ITPKB: variants seen among roughly 807,000 people sequenced by gnomAD.
The protein encoded by ITPKB is IP3 3-kinase B.
In ITPKB, 13 loss-of-function variants were observed where a neutral mutation model predicts 69.4. The observed-to-expected ratio is 0.19, with a 90% CI of 0.12 to 0.30. The LOEUF (loss-of-function observed/expected upper bound fraction) is 0.30, where lower values mean the gene tolerates loss of function less well. Ranked by LOEUF, ITPKB falls within the 10% of genes least tolerant of loss-of-function variation. The pLI is 1.00. For synonymous variants in ITPKB, 584 were observed against 513.7 expected, an observed-to-expected ratio of 1.14 and a Z score of -1.85; for missense variants, 1,240 against 1,250.5, an observed-to-expected ratio of 0.99 and a Z score of 0.13.
chr1:226,711,058 T>C (rs939291171), intron 2 of ITPKB, among the ~76,000 whole-genome samples: 5 of 152,242 alleles, frequency 3.3e-5, no homozygotes, highest in African/African-American at 1.2e-4. Context: ...TAATAGTGCT[T>C]ATTAAGAGAC....
At chr1:226,715,834 G>C (rs708767) in intron 2 of ITPKB, among the ~76,000 whole-genome samples, 64,885 of 152,104 alleles carry the variant, frequency 0.43, 14,040 homozygotes, top group Middle Eastern at 0.48. Flanking sequence ...TTTTTGAGAT[G>C]AAGTCTCGCT....
chr1:226,643,881 G>A (rs1454452573), intron 4 of ITPKB, among the ~76,000 whole-genome samples: 1 of 152,226 alleles, frequency 6.6e-6, no homozygotes, highest in African/African-American at 2.4e-5. Flanking sequence ...ACACACAGGT[G>A]CACCCATGCA....
At chr1:226,690,641 AT>A (rs1656327478) in intron 2 of ITPKB, among the ~76,000 whole-genome samples, 1 of 152,210 alleles carries the variant, frequency 6.6e-6, no homozygotes, top group Non-Finnish European at 1.5e-5. Flanking sequence ...TAACCCTAGT[AT>A]TTACGTCAAC....
chr1:226,733,582 A>ACACACACCC (rs569802289), intron 2 of ITPKB, among the ~76,000 whole-genome samples: 5,292 of 152,014 alleles, frequency 0.035, 129 homozygotes, highest in Non-Finnish European at 0.052. Context: ...ACACACACAC[A>ACACACACCC]CACACACCCA....
intron 2 of ITPKB, among the ~76,000 whole-genome samples, chr1:226,693,674 C>G (rs144734407): frequency 5.7e-4 from 86 of 152,078 alleles, no homozygotes; most frequent in African/African-American, 1.9e-3. Context: ...TAAATTGATC[C>G]CCATTTGAAG....
intron 2 of ITPKB, among the ~76,000 whole-genome samples, chr1:226,672,908 A>G (rs1669646385): frequency 6.6e-6 from 1 of 152,228 alleles, no homozygotes; most frequent in Non-Finnish European, 1.5e-5. Context: ...TCCCAGGTGG[A>G]GAACCTGCAT....
chr1:226,735,000 G>A (rs1489142181), intron 2 of ITPKB, among the ~76,000 whole-genome samples: 2 of 152,160 alleles, frequency 1.3e-5, no homozygotes, highest in African/African-American at 4.8e-5. Context: ...CCAGTTGACT[G>A]GCCACAACCA....
At chr1:226,689,249 T>C (rs1410532867) in intron 2 of ITPKB, among the ~76,000 whole-genome samples, 1 of 152,224 alleles carries the variant, frequency 6.6e-6, no homozygotes, top group Non-Finnish European at 1.5e-5. Flanking sequence ...AATTTACCCA[T>C]CCAAATAAAT....
Position 226,663,265 on chromosome 1 carries a change from C to T in ITPKB, c.1933-14494G>A, listed in dbSNP as rs78423521. Among the ~76,000 whole-genome samples the T allele has an allele frequency of 1.7e-3, 256 of 152,284 alleles. 2 individuals are homozygous for T. Among genetic ancestry groups the T allele is most frequent in the African/African-American group, 6.0e-3 (249 of 41,540 alleles). On this transcript the variant is annotated intron_variant, in intron 2 of 7. Transcript: ENST00000429204. ...CTTTCCCCACGTGACAGGAGCCTCC[C>T]AGGGCCCCAGAAAGGCAGGCACCAG...
At chr1:226,670,494 G>A (rs1669593057) in intron 2 of ITPKB, among the ~76,000 whole-genome samples, 1 of 152,134 alleles carries the variant, frequency 6.6e-6, no homozygotes. Flanking sequence ...AACAACAGAG[G>A]ATGATTAAAC....
intron 2 of ITPKB, among the ~76,000 whole-genome samples, chr1:226,711,173 A>T (rs957375079): frequency 6.6e-6 from 1 of 152,118 alleles, no homozygotes; most frequent in African/African-American, 2.4e-5. Context: ...GGTGCTCATA[A>T]ATAGGACAAA....
intron 2 of ITPKB, among the ~76,000 whole-genome samples, chr1:226,720,363 C>G (rs868360280): frequency 1.3e-5 from 2 of 152,202 alleles, no homozygotes; most frequent in Admixed American, 6.5e-5. Flanking sequence ...CCCCCTAAAG[C>G]ACAAGGCCCA....
chr1:226,735,570 T>A lies in ITPKB; in HGVS notation c.1889A>T (p.Asn630Ile). The A allele has an allele frequency of 6.4e-7, 1 of 1,560,402 alleles. No individual in the cohort carries two copies. The highest frequency in any genetic ancestry group is 8.7e-7 in the Non-Finnish European group (1 of 1,153,500). The stretch of plus-strand genomic sequence containing the variant: ...GTCCAGGGTATGCAGGAAGGCTGAG[T>A]TGGGGTCCAGGGTGCGCTCAGGGTC... The part of the protein sequence containing the change: ...SSDPERTLDP[N>I]SAFLHTLDQQ... Residue 630 changes from asparagine (N) to isoleucine (I), a missense_variant, in exon 2 of 8, where the codon AAC becomes ATC. Around this residue, in one of 2 missense-constraint regions of ITPKB, gnomAD observed 992 missense variants for 853.8 expected, o/e 1.16. Transcript: ENST00000429204.
chr1:226,658,646 C>T (rs899389605), intron 2 of ITPKB, among the ~76,000 whole-genome samples: 1 of 152,188 alleles, frequency 6.6e-6, no homozygotes, highest in African/African-American at 2.4e-5. Flanking sequence ...ATTTCATCCC[C>T]CGTCTCCACC....
Position 226,642,461 on chromosome 1 carries a change from C to A in ITPKB, c.2247-336G>T, listed in dbSNP as rs1450007814. Among the ~76,000 whole-genome samples the A allele has an allele frequency of 6.6e-6, 1 of 152,098 alleles. No homozygotes were observed. The highest frequency in any genetic ancestry group is 1.5e-5 in the Non-Finnish European group (1 of 68,010). On this transcript the variant is annotated intron_variant, in intron 4 of 7. Transcript: ENST00000429204. The surrounding 1 kb of genome is among the most constrained non-coding windows in gnomAD (Gnocchi z 6.4). ...CTGGGATTACAGGTGTGCACCACCA[C>A]CCAGCCTGGGGTTGGCTCTTGATCC...
chr1:226,688,344 T>C (rs907307495), intron 2 of ITPKB, among the ~76,000 whole-genome samples: 1 of 152,228 alleles, frequency 6.6e-6, no homozygotes, highest in African/African-American at 2.4e-5. Flanking sequence ...GCAGAGCTGT[T>C]CCGGGAAACT....
At chr1:226,684,042 G>A (rs200796941) in intron 2 of ITPKB, among the ~76,000 whole-genome samples, 2 of 152,036 alleles carry the variant, frequency 1.3e-5, no homozygotes, top group Admixed American at 6.6e-5. Context: ...TGAGTGTCAG[G>A]GAAATTTCCA....
chr1:226,688,145 G>T (rs1656258226), intron 2 of ITPKB, among the ~76,000 whole-genome samples: 1 of 152,154 alleles, frequency 6.6e-6, no homozygotes, highest in Admixed American at 6.5e-5. Context: ...TTCTGATAGG[G>T]TTCAGCAATG....
At chr1:226,690,805 G>A (rs1656332175) in intron 2 of ITPKB, among the ~76,000 whole-genome samples, 1 of 152,178 alleles carries the variant, frequency 6.6e-6, no homozygotes, top group Non-Finnish European at 1.5e-5. Context: ...CCAAAAGGTG[G>A]AAGCAAGCCA....
Sources: allele counts gnomAD v4.1 joint callset (sites outside exome capture counted in the v4.1 genomes callset), GRCh38; gene constraint gnomAD v4.1.1; regional missense constraint gnomAD v4.1.1; non-coding constraint Gnocchi (gnomAD v3.1); transcripts MANE v1.5; gene names NCBI Gene and HGNC (gene_info 2026-07-23, HGNC 2026-07-21).